Variants in ABCC4 observed in about 807,000 individuals in gnomAD.
ABCC4 encodes the protein ATP binding cassette subfamily C member 4 (PEL blood group).
A neutral mutation model predicts 168.5 loss-of-function variants in ABCC4; 102 were observed. The observed-to-expected ratio is 0.61, with a 90% CI of 0.52 to 0.71. The LOEUF (loss-of-function observed/expected upper bound fraction) is 0.71. Ranked by LOEUF, ABCC4 falls within the 30% of genes least tolerant of loss-of-function variation. The pLI is 0.00. For synonymous variants in ABCC4, 617 were observed against 590.7 expected (o/e 1.04, Z -0.65); for missense variants, 1,402 against 1,605.8 (o/e 0.87, Z 2.17).
chr13:95,195,370 G>A (rs1441837558), intron 8 of ABCC4, among the ~76,000 whole-genome samples: 1 of 152,150 alleles, frequency 6.6e-6, no homozygotes, highest in Non-Finnish European at 1.5e-5. Flanking sequence ...CTGGCAACAT[G>A]AAAGTCAAGG....
chr13:95,046,611 A>G (rs1223990797), intron 27 of ABCC4, among the ~76,000 whole-genome samples: 2 of 151,890 alleles, frequency 1.3e-5, no homozygotes, highest in Admixed American at 1.3e-4. Context: ...CTAATAATAC[A>G]AAAAAAATTA....
chr13:95,090,575 G>C (rs1363292219), intron 20 of ABCC4, among the ~76,000 whole-genome samples: 1 of 152,152 alleles, frequency 6.6e-6, no homozygotes, highest in East Asian at 1.9e-4. Context: ...ACACCAAAAG[G>C]GAGAGAGTAC....
intron 1 of ABCC4, among the ~76,000 whole-genome samples, chr13:95,255,942 C>T (rs1423172260): frequency 1.3e-5 from 2 of 152,088 alleles, no homozygotes; most frequent in African/African-American, 2.4e-5. Context: ...TTTATAATCC[C>T]ATCTTCCCAG....
In ABCC4 at chr13:95,115,947, G is replaced by A. The variant is rs368060248; in HGVS notation, c.2510C>T (p.Pro837Leu). 1.4e-5 allele frequency: 23 copies of A among 1,612,762 alleles called. No homozygotes were observed. Among genetic ancestry groups the A allele is most frequent in the Middle Eastern group, 1.6e-4 (1 of 6,080 alleles). ...CTGGATGAAATCTAAAAACGTCAGCGGCAGCAAATCATCCAAGTGTCCAAT... is the reference window on the plus strand; with the variant it reads ...CTGGATGAAATCTAAAAACGTCAGCAGCAGCAAATCATCCAAGTGTCCAAT... Reference protein sequence around the residue: ...KDIGHLDDLLPLTFLDFIQTL... With the variant: ...KDIGHLDDLLLLTFLDFIQTL... Residue 837 changes from proline to leucine, a missense_variant, in exon 20 of 31, where the codon CCG becomes CTG. Transcript: ENST00000645237.
intron 4 of ABCC4, among the ~76,000 whole-genome samples, chr13:95,217,364 T>G (rs1361179912): frequency 6.6e-6 from 1 of 152,200 alleles, no homozygotes; most frequent in African/African-American, 2.4e-5. Flanking sequence ...TGAATATCCC[T>G]TTTTGGATTA....
At position 95,133,239 on chromosome 13, in the gene ABCC4, G is replaced by A. The variant is rs186418383; in HGVS notation, c.2456-17238C>T. Among the ~76,000 whole-genome samples, 87 of 147,144 alleles carry A rather than the reference G, an allele frequency of 5.9e-4. No individual in the cohort carries two copies. The East Asian group carries it at 9.7e-3, about 16-fold the overall frequency. On this transcript the variant is annotated intron_variant, in intron 19 of 30. Transcript: ENST00000645237. ...AGCAATTCTCCCACCTCGGCCTCCC[G>A]AGTAGCTGGGATTACAGGCGTGCAC...
At chr13:95,128,762 T>C (rs1236064886) in intron 19 of ABCC4, among the ~76,000 whole-genome samples, 1 of 152,186 alleles carries the variant, frequency 6.6e-6, no homozygotes, top group Non-Finnish European at 1.5e-5. Flanking sequence ...ACATTTTTGG[T>C]TCCCTGAACC....
rs1370950679 is a variant in ABCC4 at position 95,287,934 on chromosome 13, C to T, written c.74+13307G>A. Among the ~76,000 whole-genome samples the T allele has an allele frequency of 8.6e-5, 13 of 151,620 alleles. No individual in the cohort carries two copies. In the South Asian group the frequency reaches 2.5e-3, roughly 29 times the overall value. ...GCATGCACCTATAGTCCCAGCTACTCGGGAGGCTGAGGCACGAGAATCACT... is the reference window on the plus strand; with the variant it reads ...GCATGCACCTATAGTCCCAGCTACTTGGGAGGCTGAGGCACGAGAATCACT... On this transcript the variant is annotated intron_variant, in intron 1 of 30. Coordinates refer to ENST00000645237, the MANE Select transcript of ABCC4 (RefSeq NM_005845.5).
chr13:95,184,905 C>G (rs993162159), intron 11 of ABCC4, among the ~76,000 whole-genome samples: 1 of 152,142 alleles, frequency 6.6e-6, no homozygotes, highest in African/African-American at 2.4e-5. Context: ...CTCCCTAAAA[C>G]ATGATACACT....
intron 24 of ABCC4, among the ~76,000 whole-genome samples, chr13:95,072,880 A>G (rs567581245): frequency 3.9e-5 from 6 of 152,324 alleles, no homozygotes; most frequent in African/African-American, 1.4e-4. Context: ...ATTACCCGTT[A>G]AGAAACAAAA....
chr13:95,243,400 G>A (rs546466763), intron 3 of ABCC4, among the ~76,000 whole-genome samples: 30 of 152,312 alleles, frequency 2.0e-4, no homozygotes, highest in Non-Finnish European at 3.4e-4. Flanking sequence ...TAAAAACAGG[G>A]AACTTGACAT....
chr13:95,185,195 G>A (rs1328302979), intron 11 of ABCC4, among the ~76,000 whole-genome samples: 1 of 152,092 alleles, frequency 6.6e-6, no homozygotes, highest in Non-Finnish European at 1.5e-5. Context: ...GGAAATCATG[G>A]CAAAAGATTA....
At chr13:95,157,294 T>C (rs1488710604) in intron 19 of ABCC4, among the ~76,000 whole-genome samples, 1 of 149,040 alleles carries the variant, frequency 6.7e-6, no homozygotes, top group Admixed American at 6.7e-5. Context: ...GCTATCTCAG[T>C]ACCAATAGGA....
chr13:95,124,562 TAAAAAA>T (rs55651091), intron 19 of ABCC4, among the ~76,000 whole-genome samples: 3 of 121,896 alleles, frequency 2.5e-5, no homozygotes, highest in African/African-American at 6.6e-5. Flanking sequence ...CCCCCTTTCT[TAAAAAA>T]AAAAAAAAAA....
chr13:95,282,855 G>A (rs1361181038), intron 1 of ABCC4, among the ~76,000 whole-genome samples: 2 of 151,920 alleles, frequency 1.3e-5, no homozygotes, highest in African/African-American at 4.8e-5. Context: ...AATATGTTAT[G>A]TGTGAGAGAG....
intron 4 of ABCC4, among the ~76,000 whole-genome samples, chr13:95,224,630 G>A (rs184297930): frequency 6.6e-6 from 1 of 152,106 alleles, no homozygotes; most frequent in East Asian, 1.9e-4. Flanking sequence ...CCAGCTACTC[G>A]GGAGGCTGAG....
Position 95,202,644 on chromosome 13 carries a change from C to CTTTTTT in ABCC4, c.1161+3882_1161+3887dup, listed in dbSNP as rs10603210. Among the ~76,000 whole-genome samples the CTTTTTT allele has an allele frequency of 4.8e-4, 45 of 93,062 alleles. 1 individual carries two copies. The highest frequency in any genetic ancestry group is 6.7e-4 in the Non-Finnish European group (32 of 47,954). 61.1% of individuals were successfully genotyped at this position (93,062 alleles called of 152,430 possible). On this transcript the variant is annotated intron_variant, in intron 8 of 30. Coordinates refer to ENST00000645237, the MANE Select transcript of ABCC4 (RefSeq NM_005845.5). ...GTGCATGTGGGGATAAGAATGTGCA[C>CTTTTTT]TTTTTTTTTTTTTTTTTTTTTTTGA... is the stretch of plus-strand genomic sequence containing the variant.
chr13:95,258,067 C>A (rs2389226), intron 1 of ABCC4, among the ~76,000 whole-genome samples: 90,238 of 152,042 alleles, frequency 0.59, 28,064 homozygotes, highest in Non-Finnish European at 0.68. Flanking sequence ...CCCATTTGTC[C>A]CAACAAGAAC....
chr13:95,023,376 C>T (rs2031208270), intron 30 of ABCC4, among the ~76,000 whole-genome samples: 1 of 152,156 alleles, frequency 6.6e-6, no homozygotes, highest in South Asian at 2.1e-4. Flanking sequence ...TTATAACACA[C>T]TATGGGTAAC....
Sources: gnomAD v4.1 joint callset for allele counts (sites outside exome capture counted in the v4.1 genomes callset) on GRCh38, gnomAD v4.1.1 for gene constraint, MANE v1.5 for transcripts, NCBI Gene and HGNC (gene_info 2026-07-23, HGNC 2026-07-21) for gene names.